The following DNAJC3 variants were observed in gnomAD, a reference collection of about 807,000 sequenced individuals.
The protein encoded by DNAJC3 is dnaJ homolog subfamily C member 3.
DNAJC3 carries 38 observed loss-of-function variants against 68.6 expected under a neutral mutation model. That is an observed-to-expected ratio of 0.55 (90% confidence interval 0.43 to 0.73). The LOEUF (loss-of-function observed/expected upper bound fraction) is 0.73. DNAJC3 is among the 30% of genes least tolerant of loss of function. DNAJC3 has a pLI of 0.00. For missense variants in DNAJC3, 526 were observed against 591.9 expected (o/e 0.89, Z 1.16); for synonymous variants, 203 against 204.0 (o/e 1.00, Z 0.04).
chr13:95,704,074 A>G lies in DNAJC3; in HGVS notation c.83-5153A>G, dbSNP rs554755494. ...ATTTTTCCAACTAGTAGATTAACCA[A>G]TGTTTTTGGCTTGTTGGTTTCAGTG... On this transcript the variant is annotated intron_variant, in intron 1 of 11. Coordinates refer to ENST00000602402, the MANE Select transcript of DNAJC3 (RefSeq NM_006260.5). 3.9e-5 allele frequency among the ~76,000 whole-genome samples: 6 copies of G among 152,318 alleles called. No individual in the cohort carries two copies. The East Asian group carries it at 5.8e-4, about 15-fold the overall frequency.
chr13:95,769,867 T>A (rs550864976), intron 9 of DNAJC3, among the ~76,000 whole-genome samples: 1 of 152,320 alleles, frequency 6.6e-6, no homozygotes, highest in Non-Finnish European at 1.5e-5. Context: ...TTGTACTCCC[T>A]CTGGTGCCAA....
At chr13:95,678,211 T>C (rs1246480713) in intron 1 of DNAJC3, among the ~76,000 whole-genome samples, 7 of 152,128 alleles carry the variant, frequency 4.6e-5, no homozygotes, top group Non-Finnish European at 8.8e-5. Context: ...AATATTCGAG[T>C]GTAATGACAC....
rs182649329 is a variant in DNAJC3, at chr13:95,711,429, C to T, written c.193+2092C>T. ...GGAGAATCACTTAGACCCAGGGGCC[C>T]GGAGGTTGCAGTGAGCCAAGATCGC... On this transcript the variant is annotated intron_variant, in intron 2 of 11. Transcript: ENST00000602402. Among the ~76,000 whole-genome samples, 492 of 147,006 alleles carry T rather than the reference C, an allele frequency of 3.3e-3. 2 individuals are homozygous for T. Among genetic ancestry groups the T allele is most frequent in the African/African-American group, 0.013 (472 of 36,720 alleles).
chr13:95,785,427 G>A (rs999235247), intron 9 of DNAJC3, among the ~76,000 whole-genome samples: 11 of 128,000 alleles, frequency 8.6e-5, no homozygotes, highest in Non-Finnish European at 1.5e-4. Flanking sequence ...CCTAAACTCA[G>A]TTTTCATTAT....
intron 4 of DNAJC3, among the ~76,000 whole-genome samples, chr13:95,751,237 TTTAAC>T (rs1488128222): frequency 7.3e-5 from 11 of 151,532 alleles, no homozygotes; most frequent in African/African-American, 2.7e-4. Context: ...CCCTGTCTAA[TTTAAC>T]AAAAAAGACA....
At position 95,786,920 on chromosome 13, in the gene DNAJC3, A is replaced by G. The variant is rs1303009995; in HGVS notation, c.1209-87A>G. The G allele has an allele frequency of 5.4e-6, 8 of 1,487,466 alleles. No individual in the cohort carries two copies. In the South Asian group the frequency reaches 1.1e-4, roughly 20 times the overall value. 92.1% of individuals were successfully genotyped at this position (1,487,466 alleles called of 1,614,324 possible). On this transcript the variant is annotated intron_variant, in intron 10 of 11. Coordinates refer to ENST00000602402, the MANE Select transcript of DNAJC3 (RefSeq NM_006260.5). ...TATAAAACCAGTTTTGTTAATTGCC[A>G]GTAGGATCTTAATCAGCTCTTCTGA...
chr13:95,678,207 C>T (rs1363306840), intron 1 of DNAJC3, among the ~76,000 whole-genome samples: 1 of 152,096 alleles, frequency 6.6e-6, no homozygotes, highest in East Asian at 1.9e-4. Context: ...GCGAAATATT[C>T]GAGTGTAATG....
intron 9 of DNAJC3, among the ~76,000 whole-genome samples, chr13:95,783,606 TAATGA>T (rs2139695441): frequency 6.6e-6 from 1 of 152,344 alleles, no homozygotes; most frequent in Non-Finnish European, 1.5e-5. Flanking sequence ...ACATTTAATG[TAATGA>T]TGCACTGATG....
chr13:95,739,813 G>C (rs971560186), intron 4 of DNAJC3, among the ~76,000 whole-genome samples: 1 of 152,132 alleles, frequency 6.6e-6, no homozygotes, highest in African/African-American at 2.4e-5. Flanking sequence ...CTCTCAGCTC[G>C]TCAAAGTCAT....
chr13:95,719,485 A>G (rs1000990441), intron 2 of DNAJC3, among the ~76,000 whole-genome samples: 2 of 152,010 alleles, frequency 1.3e-5, no homozygotes, highest in African/African-American at 4.8e-5. Context: ...CAAAGTTCCA[A>G]CCTTTTCACC....
chr13:95,710,662 T>G (rs765837978), intron 2 of DNAJC3, among the ~76,000 whole-genome samples: 3 of 150,318 alleles, frequency 2.0e-5, no homozygotes, highest in African/African-American at 5.0e-5. Context: ...GAGGGTGGTG[T>G]TTTGTTTTGT....
At chr13:95,691,464 G>A (rs553272528) in intron 1 of DNAJC3, among the ~76,000 whole-genome samples, 1,728 of 150,716 alleles carry the variant, frequency 0.011, 34 homozygotes, top group African/African-American at 0.04. Context: ...ATGGGCGGCC[G>A]GGCAGAGATG....
intron 4 of DNAJC3, among the ~76,000 whole-genome samples, chr13:95,739,798 T>G (rs1201220755): frequency 6.6e-6 from 1 of 152,214 alleles, no homozygotes; most frequent in Non-Finnish European, 1.5e-5. Context: ...GTCTGAAGCC[T>G]TCTTCTCTCA....
intron 1 of DNAJC3, among the ~76,000 whole-genome samples, chr13:95,696,876 G>A (rs1325621602): frequency 6.6e-6 from 1 of 152,116 alleles, no homozygotes; most frequent in East Asian, 1.9e-4. Flanking sequence ...CTCCTGAGTA[G>A]CTGGGACTAC....
chr13:95,788,424 A>G (rs527893621), intron 11 of DNAJC3, among the ~76,000 whole-genome samples: 1 of 152,324 alleles, frequency 6.6e-6, no homozygotes, highest in South Asian at 2.1e-4. Flanking sequence ...TGCACTGAGG[A>G]AAGAGCTGCA....
intron 1 of DNAJC3, among the ~76,000 whole-genome samples, chr13:95,708,880 G>A (rs1880856778): frequency 1.3e-5 from 2 of 152,086 alleles, no homozygotes; most frequent in Admixed American, 6.6e-5. Context: ...TATTGTAACA[G>A]TCTCTATGAT....
Position 95,709,949 on chromosome 13 carries a change from T to A in DNAJC3, c.193+612T>A, listed in dbSNP as rs186436432. Among the ~76,000 whole-genome samples, 19 of 152,334 alleles carry A rather than the reference T, an allele frequency of 1.2e-4. No homozygotes were observed. The East Asian group carries it at 3.3e-3, about 26-fold the overall frequency. The stretch of plus-strand genomic sequence containing the variant: ...CCACTGCGCCCGGCCAGCTTCTGAC[T>A]TTTTGAACAGATTTTACTGAATGCA... On this transcript the variant is annotated intron_variant, in intron 2 of 11. Transcript: ENST00000602402.
chr13:95,730,698 GT>G (rs1405201655), intron 4 of DNAJC3, among the ~76,000 whole-genome samples: 2 of 152,184 alleles, frequency 1.3e-5, no homozygotes, highest in Non-Finnish European at 2.9e-5. Context: ...ATACCATGCT[GT>G]TTTGGTCACT....
chr13:95,728,839 G>A (rs1881611327), intron 4 of DNAJC3, among the ~76,000 whole-genome samples: 1 of 152,040 alleles, frequency 6.6e-6, no homozygotes, highest in Non-Finnish European at 1.5e-5. Context: ...CAGCTATTTT[G>A]AAATAGACAA....
Sources: allele counts gnomAD v4.1 joint callset (sites outside exome capture counted in the v4.1 genomes callset), GRCh38; gene constraint gnomAD v4.1.1; transcripts MANE v1.5; gene names NCBI Gene and HGNC (gene_info 2026-07-23, HGNC 2026-07-21).